The following MARCHF1 variants were observed in gnomAD, a reference collection of about 807,000 sequenced individuals.
MARCHF1 encodes the protein E3 ubiquitin-protein ligase MARCHF1.
MARCHF1 carries 40 observed loss-of-function variants against 54.2 expected under a neutral mutation model. The ratio of observed to expected loss-of-function variants is 0.74; its 90% CI spans 0.57 to 0.96. The LOEUF is 0.96. Ranked by LOEUF, MARCHF1 falls within the 40% of genes least tolerant of loss-of-function variation. The pLI, the probability that MARCHF1 is intolerant of heterozygous loss-of-function variation, is 0.00. For missense variants in MARCHF1, 586 were observed against 656.5 expected (o/e 0.89, Z 1.17); for synonymous variants, 236 against 236.3 (o/e 1.00, Z 0.01).
intron 2 of MARCHF1, among the ~76,000 whole-genome samples, chr4:164,028,075 A>G (rs905800567): frequency 2.6e-5 from 4 of 152,294 alleles, no homozygotes; most frequent in African/African-American, 7.2e-5. Context: ...AAAATAATAG[A>G]TGCTGAGTAG....
intron 2 of MARCHF1, among the ~76,000 whole-genome samples, chr4:163,996,898 A>C (rs1753087520): frequency 6.6e-6 from 1 of 152,064 alleles, no homozygotes; most frequent in East Asian, 1.9e-4. Context: ...CAGAGTGAGC[A>C]TGGCTATATC....
intron 5 of MARCHF1, among the ~76,000 whole-genome samples, chr4:163,650,348 A>G (rs1742921484): frequency 6.6e-6 from 1 of 152,006 alleles, no homozygotes; most frequent in Admixed American, 6.6e-5. Context: ...ATACTAAGGT[A>G]TTCAAAAAAC....
intron 1 of MARCHF1, among the ~76,000 whole-genome samples, chr4:164,151,815 T>C (rs1729950372): frequency 6.6e-6 from 1 of 152,172 alleles, no homozygotes; most frequent in Non-Finnish European, 1.5e-5. Flanking sequence ...GCCAACGTCC[T>C]AATTCCCTAG....
At chr4:163,980,919 A>G (rs1402810314) in intron 3 of MARCHF1, among the ~76,000 whole-genome samples, 1 of 152,224 alleles carries the variant, frequency 6.6e-6, no homozygotes, top group Non-Finnish European at 1.5e-5. Flanking sequence ...TGTTAAACAT[A>G]ACAACTTTCA....
chr4:163,703,676 C>A (rs1475404488), intron 4 of MARCHF1, among the ~76,000 whole-genome samples: 1 of 152,070 alleles, frequency 6.6e-6, no homozygotes, highest in Non-Finnish European at 1.5e-5. Context: ...TGGAGAGGAT[C>A]ATTAAGCAGT....
chr4:163,725,524 A>G (rs1745624591), intron 4 of MARCHF1, among the ~76,000 whole-genome samples: 1 of 152,130 alleles, frequency 6.6e-6, no homozygotes, highest in African/African-American at 2.4e-5. Context: ...AAAAGAAAAT[A>G]TGAACAAAAA....
intron 5 of MARCHF1, among the ~76,000 whole-genome samples, chr4:163,632,138 G>T (rs988691660): frequency 3.9e-5 from 6 of 152,162 alleles, no homozygotes; most frequent in Non-Finnish European, 8.8e-5. Context: ...CTATTGGTGG[G>T]AATGTATGGT....
intron 2 of MARCHF1, among the ~76,000 whole-genome samples, chr4:164,037,343 G>A (rs1369379102): frequency 6.6e-6 from 1 of 152,036 alleles, no homozygotes; most frequent in African/African-American, 2.4e-5. Context: ...GAGACAAAAA[G>A]TGATGAAAAT....
intron 2 of MARCHF1, among the ~76,000 whole-genome samples, chr4:163,993,940 T>C (rs948840328): frequency 6.6e-6 from 1 of 152,114 alleles, no homozygotes; most frequent in African/African-American, 2.4e-5. Flanking sequence ...AATGAAAATT[T>C]TATTTAAAAA....
At chr4:163,755,895 T>A (rs1471385515) in intron 4 of MARCHF1, among the ~76,000 whole-genome samples, 1 of 152,204 alleles carries the variant, frequency 6.6e-6, no homozygotes, top group Non-Finnish European at 1.5e-5. Context: ...ATATTACCAA[T>A]GTTGAATTAT....
intron 3 of MARCHF1, among the ~76,000 whole-genome samples, chr4:163,967,779 T>C (rs889632939): frequency 1.3e-5 from 2 of 152,152 alleles, no homozygotes; most frequent in Non-Finnish European, 2.9e-5. Flanking sequence ...GCCTAAAATA[T>C]GCAGTGTGGA....
At chr4:164,173,815 G>T (rs1579594373) in intron 1 of MARCHF1, among the ~76,000 whole-genome samples, 1 of 152,142 alleles carries the variant, frequency 6.6e-6, no homozygotes, top group East Asian at 1.9e-4. Context: ...GCAGAATCGT[G>T]AGCCAAAATA....
At chr4:164,220,429 C>G (rs1732062968) in intron 1 of MARCHF1, among the ~76,000 whole-genome samples, 1 of 144,430 alleles carries the variant, frequency 6.9e-6, no homozygotes, top group Non-Finnish European at 1.5e-5. Context: ...GTATAAAATT[C>G]CTATATATAT....
chr4:163,716,860 A>G (rs1328610766), intron 4 of MARCHF1, among the ~76,000 whole-genome samples: 2 of 152,250 alleles, frequency 1.3e-5, no homozygotes, highest in East Asian at 3.8e-4. Context: ...TAGGCAAATT[A>G]GCAATCTTCT....
chr4:164,187,542 T>C (rs1731003050), intron 1 of MARCHF1, among the ~76,000 whole-genome samples: 1 of 152,146 alleles, frequency 6.6e-6, no homozygotes. Context: ...AAGCTCATGC[T>C]GTCTGCTGTG....
At chr4:163,613,169 G>T in intron 6 of MARCHF1, 131 bp from the exon 7 acceptor site, 1 of 1,221,402 alleles carries the variant, frequency 8.2e-7, no homozygotes, top group Non-Finnish European at 1.1e-6. Context: ...TGAAGAAAAT[G>T]AACTAAATGA....
chr4:164,188,423 G>A (rs1731033782), intron 1 of MARCHF1: 2 of 566,656 alleles, frequency 3.5e-6, no homozygotes, highest in East Asian at 3.1e-5. Context: ...GCTGCTACTC[G>A]GTGAGGCGTG....
At chr4:163,916,924 T>C (rs114981767) in intron 3 of MARCHF1, among the ~76,000 whole-genome samples, 142 of 152,258 alleles carry the variant, frequency 9.3e-4, no homozygotes, top group African/African-American at 3.3e-3. Context: ...TTTTGACAAA[T>C]GTATAATGAT....
chr4:164,043,391 C>T (rs752713210), intron 2 of MARCHF1, among the ~76,000 whole-genome samples: 17 of 152,148 alleles, frequency 1.1e-4, no homozygotes, highest in Non-Finnish European at 2.4e-4. Context: ...TTGGGACTTG[C>T]ACCCTCTGAA....
Sources: gnomAD v4.1 joint callset for allele counts (sites outside exome capture counted in the v4.1 genomes callset) on GRCh38, gnomAD v4.1.1 for gene constraint, MANE v1.5 for transcripts, NCBI Gene and HGNC (gene_info 2026-07-23, HGNC 2026-07-21) for gene names.